The following ALLC variants were observed in gnomAD, a reference collection of about 807,000 sequenced individuals.
ALLC encodes probable inactive allantoicase.
ALLC carries 40 observed loss-of-function variants against 45.0 expected under a neutral mutation model. The ratio of observed to expected loss-of-function variants is 0.89; its 90% CI spans 0.69 to 1.16. ALLC has a LOEUF of 1.16. ALLC is among the 50% of genes most tolerant of loss of function. The pLI, the probability that ALLC is intolerant of heterozygous loss-of-function variation, is 0.00. For synonymous variants in ALLC, 176 were observed against 178.1 expected (o/e 0.99, Z 0.09); for missense variants, 488 against 493.1 (o/e 0.99, Z 0.10).
chr2:3,680,585 T>C lies in ALLC; in HGVS notation c.298+591T>C, dbSNP rs1310909656. On this transcript the variant is annotated intron_variant, in intron 5 of 11. Transcript: ENST00000252505. The surrounding 1 kb of genome is among the most constrained non-coding windows in gnomAD (Gnocchi z 4.0). ...CAAAGAAAGAGGCTGACAAATCCAGTCTGTTGGTAACGGGTATTTTATTGG... is the reference window on the plus strand; with the variant it reads ...CAAAGAAAGAGGCTGACAAATCCAGCCTGTTGGTAACGGGTATTTTATTGG... 1.3e-5 allele frequency among the ~76,000 whole-genome samples: 2 copies of C among 152,196 alleles called. No individual in the cohort carries two copies. Among genetic ancestry groups the C allele is most frequent in the Non-Finnish European group, 2.9e-5 (2 of 68,034 alleles).
intron 10 of ALLC, among the ~76,000 whole-genome samples, chr2:3,698,379 C>T (rs1667737948): frequency 6.6e-6 from 1 of 152,156 alleles, no homozygotes; most frequent in South Asian, 2.1e-4. Context: ...CTCTGCATCC[C>T]CCTTGGAAAA....
chr2:3,701,796 C>G (rs1667847972), intron 11 of ALLC, among the ~76,000 whole-genome samples, 160 bp downstream of exon 11: 1 of 152,210 alleles, frequency 6.6e-6, no homozygotes. Flanking sequence ...AAGAAAGGCT[C>G]TATTTCTCTC....
intron 7 of ALLC, among the ~76,000 whole-genome samples, chr2:3,686,266 T>C (rs1558544043): frequency 1.3e-5 from 2 of 151,056 alleles, no homozygotes; most frequent in Admixed American, 6.6e-5. Flanking sequence ...GGTGCCTTTA[T>C]TGAGAATGAG....
chr2:3,698,497 T>G (rs991299240), intron 10 of ALLC, among the ~76,000 whole-genome samples: 1 of 152,248 alleles, frequency 6.6e-6, no homozygotes, highest in Admixed American at 6.5e-5. Context: ...GCTTCACTTT[T>G]AAGGCAGTGG....
rs898002884 is a variant in ALLC at position 3,673,017 on chromosome 2, A to G, written c.34-1058A>G. Among the ~76,000 whole-genome samples, 8 of 132,334 alleles carry G rather than the reference A, an allele frequency of 6.0e-5. No individual in the cohort carries two copies. The East Asian group carries it at 1.0e-3, about 17-fold the overall frequency. The allele number at this position is 132,334 out of a possible 152,430, so 86.8% of individuals were successfully genotyped here. On this transcript the variant is annotated intron_variant, in intron 2 of 11. Transcript: ENST00000252505. ...TGGCACAATGCCAGGGTGCTGGGGG[A>G]GCACATGGACTCCAGCCATGGGTAG... is the stretch of plus-strand genomic sequence containing the variant.
chr2:3,696,525 A>G (rs1413257924), intron 9 of ALLC, among the ~76,000 whole-genome samples, 177 bp downstream of exon 9: 1 of 152,206 alleles, frequency 6.6e-6, no homozygotes, highest in East Asian at 1.9e-4. Context: ...CAGGGCAGAG[A>G]CTCAGAAGCC....
In ALLC at chr2:3,685,428, C is replaced by T. The variant is rs186354744; in HGVS notation, c.511+2354C>T. Among the ~76,000 whole-genome samples, 12 of 145,924 alleles carry T rather than the reference C, an allele frequency of 8.2e-5. 1 individual carries two copies. Among genetic ancestry groups the T allele is most frequent in the South Asian group, 4.3e-4 (2 of 4,600 alleles). On this transcript the variant is annotated intron_variant, in intron 7 of 11. Transcript: ENST00000252505. The stretch of plus-strand genomic sequence containing the variant: ...GGCATGTCTTACATGGCAGCAGGAT[C>T]GAGAGAGAGAGAGAGAGACAGAGAG...
intron 1 of ALLC, among the ~76,000 whole-genome samples, chr2:3,660,772 T>C (rs1666552560): frequency 6.7e-6 from 1 of 150,084 alleles, no homozygotes; most frequent in African/African-American, 2.5e-5. Flanking sequence ...GTGGGAAAAA[T>C]GGTTATGGCA....
chr2:3,672,963 C>T (rs754115379), intron 2 of ALLC, among the ~76,000 whole-genome samples: 12 of 149,126 alleles, frequency 8.0e-5, no homozygotes, highest in Non-Finnish European at 1.6e-4. Flanking sequence ...AGCAGGGAGA[C>T]AGATGTAAGT....
intron 2 of ALLC, among the ~76,000 whole-genome samples, chr2:3,673,782 T>C (rs1381069091): frequency 6.6e-6 from 1 of 152,088 alleles, no homozygotes; most frequent in Non-Finnish European, 1.5e-5. Flanking sequence ...CTCTGGTTCA[T>C]GAAAAAAAGA....
intron 7 of ALLC, chr2:3,694,594 TATA>T (rs1432417096): frequency 6.6e-6 from 1 of 152,206 alleles, no homozygotes. Context: ...TAAAGCCAAT[TATA>T]ATATTTAATG....
At chr2:3,664,746 G>C (rs1666651330) in intron 1 of ALLC, among the ~76,000 whole-genome samples, 1 of 151,992 alleles carries the variant, frequency 6.6e-6, no homozygotes, top group Non-Finnish European at 1.5e-5. Context: ...ATGGTTTGGT[G>C]TGGTGGTGCG....
chr2:3,685,515 A>G (rs915695770), intron 7 of ALLC, among the ~76,000 whole-genome samples: 1 of 150,696 alleles, frequency 6.6e-6, no homozygotes, highest in African/African-American at 2.4e-5. Flanking sequence ...CCACTTTTAA[A>G]CATCAGATCT....
At chr2:3,702,000 G>C (rs1572538549) in intron 11 of ALLC, among the ~76,000 whole-genome samples, 1 of 152,094 alleles carries the variant, frequency 6.6e-6, no homozygotes, top group East Asian at 1.9e-4. Context: ...TTAGAAAGAG[G>C]GTCAGGCTAG....
At chr2:3,665,037 A>G (rs1463065876) in intron 1 of ALLC, among the ~76,000 whole-genome samples, 1 of 152,158 alleles carries the variant, frequency 6.6e-6, no homozygotes, top group Non-Finnish European at 1.5e-5. Context: ...ATTCAAAAAT[A>G]TTTGTAATGA....
At chr2:3,677,206 T>C (rs1043744948) in intron 3 of ALLC, among the ~76,000 whole-genome samples, 4 of 152,176 alleles carry the variant, frequency 2.6e-5, no homozygotes, top group Admixed American at 6.5e-5. Flanking sequence ...CCAGCTTCCC[T>C]CACACCGTTC....
intron 1 of ALLC, among the ~76,000 whole-genome samples, chr2:3,663,187 A>G (rs1434189388): frequency 1.3e-5 from 2 of 152,256 alleles, no homozygotes; most frequent in African/African-American, 4.8e-5. Flanking sequence ...ATGCTCATCA[A>G]TGATAGACTG....
In ALLC at chr2:3,695,756, A is replaced by T; in HGVS notation, c.551A>T (p.Gln184Leu). 6.2e-7 allele frequency: 1 copy of T among 1,614,066 alleles called. No homozygotes were observed. Among genetic ancestry groups the T allele is most frequent in the Non-Finnish European group, 8.5e-7 (1 of 1,179,904 alleles). The change falls in exon 8 of 12, where the codon CAA becomes CTA. Residue 184 changes from glutamine (Q) to leucine (L), a missense_variant. Gln to Leu is a moderately radical substitution (Grantham distance 113). Transcript: ENST00000252505. ...CGACTTAGAGTATTCGGTACTGGAC[A>T]AAAAGACTGGACTGCAACTGACCCC... Reference protein sequence around the residue: ...IARLRVFGTGQKDWTATDPKE... With the variant: ...IARLRVFGTGLKDWTATDPKE...
Position 3,668,055 on chromosome 2 carries a change from G to A in ALLC, c.-62-3041G>A, listed in dbSNP as rs187980496. On this transcript the variant is annotated intron_variant, in intron 1 of 11. Coordinates refer to ENST00000252505, the MANE Select transcript of ALLC (RefSeq NM_018436.4). The stretch of plus-strand genomic sequence containing the variant: ...GCTGGGATTACAGGTGTGAGCCACC[G>A]CATCAGGACGATAATAAATATTACA... Among the ~76,000 whole-genome samples the A allele has an allele frequency of 8.7e-4, 132 of 152,250 alleles. 2 individuals are homozygous for A. The Middle Eastern group carries it at 0.014, about 16-fold the overall frequency.
Sources: gnomAD v4.1 joint callset for allele counts (sites outside exome capture counted in the v4.1 genomes callset) on GRCh38, gnomAD v4.1.1 for gene constraint, Gnocchi (gnomAD v3.1) non-coding constraint, MANE v1.5 for transcripts, NCBI Gene and HGNC (gene_info 2026-07-23, HGNC 2026-07-21) for gene names.